Variants in CABIN1 observed in about 807,000 individuals in gnomAD.
CABIN1 encodes calcineurin binding protein 1.
A neutral mutation model predicts 227.7 loss-of-function variants in CABIN1; 133 were observed. The ratio of observed to expected loss-of-function variants is 0.58; its 90% CI spans 0.51 to 0.67. CABIN1 has a LOEUF of 0.67. Among genes scored for constraint, CABIN1 ranks in the 30% least tolerant of loss-of-function variants. The probability of loss-of-function intolerance (pLI) is 0.00; values close to 1 mark genes in which losing one functional copy is unlikely to be tolerated. For missense variants in CABIN1, 2,408 were observed against 2,852.5 expected (o/e 0.84, Z 3.55); for synonymous variants, 1,086 against 1,155.1 (o/e 0.94, Z 1.21).
At chr22:24,107,335 C>T (rs556375274) in intron 26 of CABIN1, among the ~76,000 whole-genome samples, 32 of 152,332 alleles carry the variant, frequency 2.1e-4, no homozygotes, top group African/African-American at 6.7e-4. Flanking sequence ...CCCCCCAGGG[C>T]CAGTACCAAT....
At chr22:24,169,975 G>A (rs1400530431) in intron 33 of CABIN1, among the ~76,000 whole-genome samples, 1 of 152,262 alleles carries the variant, frequency 6.6e-6, no homozygotes, top group Non-Finnish European at 1.5e-5. Flanking sequence ...GGTTATGGGG[G>A]TGGCCAGAGC....
intron 19 of CABIN1, among the ~76,000 whole-genome samples, chr22:24,077,793 A>G (rs2040542542): frequency 1.3e-5 from 2 of 152,128 alleles, no homozygotes; most frequent in Non-Finnish European, 2.9e-5. Context: ...TTAATACCTT[A>G]GGCTAGCTTG....
Position 24,064,027 on chromosome 22 carries a change from C to A in CABIN1, c.1885-8C>A, listed in dbSNP as rs2039400374. The A allele has an allele frequency of 6.2e-7, 1 of 1,613,994 alleles. No homozygotes were observed. The highest frequency in any genetic ancestry group is 8.5e-7 in the Non-Finnish European group (1 of 1,180,022). On this transcript the variant is annotated splice_region_variant and splice_polypyrimidine_tract_variant and intron_variant, in intron 14 of 36. Coordinates refer to ENST00000263119, the MANE Select transcript of CABIN1 (RefSeq NM_012295.4). Reference sequence around the variant, plus strand: ...TTTGGTTCCCTGACCTGTTTTCCGTCTAACCAGGGAGACATGGAGCAGGCC... The same window carrying A: ...TTTGGTTCCCTGACCTGTTTTCCGTATAACCAGGGAGACATGGAGCAGGCC...
intron 28 of CABIN1, among the ~76,000 whole-genome samples, chr22:24,121,625 C>T (rs1316247137): frequency 6.6e-6 from 1 of 152,240 alleles, no homozygotes; most frequent in Non-Finnish European, 1.5e-5. Flanking sequence ...CTGCTGAAGC[C>T]GTCTTTGGGC....
intron 6 of CABIN1, among the ~76,000 whole-genome samples, chr22:24,048,183 AAAG>A (rs1170572694): frequency 6.6e-6 from 1 of 152,134 alleles, no homozygotes; most frequent in Non-Finnish European, 1.5e-5. Context: ...TTTTTTAAAA[AAAG>A]GAGGAAAATT....
intron 24 of CABIN1, among the ~76,000 whole-genome samples, chr22:24,092,974 C>T (rs1160270320): frequency 1.3e-5 from 2 of 152,086 alleles, no homozygotes; most frequent in East Asian, 1.9e-4. Flanking sequence ...TTTAGCAGGG[C>T]GTTTGTTTAT....
At chr22:24,118,811 C>T (rs545700679) in intron 27 of CABIN1, among the ~76,000 whole-genome samples, 43 of 152,318 alleles carry the variant, frequency 2.8e-4, no homozygotes, top group Admixed American at 7.8e-4. Flanking sequence ...CCCCATGGCC[C>T]CTGGTGGAGC....
chr22:24,081,724 T>A (rs1257161567), intron 19 of CABIN1, among the ~76,000 whole-genome samples: 2 of 152,186 alleles, frequency 1.3e-5, no homozygotes, highest in African/African-American at 4.8e-5. Context: ...TTTTCTATTT[T>A]TATTATTTTT....
intron 15 of CABIN1, among the ~76,000 whole-genome samples, chr22:24,066,314 T>C (rs1482340678): frequency 1.3e-5 from 2 of 152,194 alleles, no homozygotes; most frequent in African/African-American, 4.8e-5. Flanking sequence ...CCTGGCTATG[T>C]GTGGCAGCCA....
At chr22:24,054,314 A>G (rs1247846746) in intron 8 of CABIN1, among the ~76,000 whole-genome samples, 1 of 152,166 alleles carries the variant, frequency 6.6e-6, no homozygotes, top group Non-Finnish European at 1.5e-5. Flanking sequence ...AACACACCAC[A>G]CCATACCACA....
At chr22:24,128,337 T>C (rs2148075792) in intron 28 of CABIN1, among the ~76,000 whole-genome samples, 1 of 152,322 alleles carries the variant, frequency 6.6e-6, no homozygotes, top group African/African-American at 2.4e-5. Context: ...CACTAACTCC[T>C]TAATATTTGG....
chr22:24,082,812 C>T (rs1011588402), intron 19 of CABIN1, among the ~76,000 whole-genome samples: 3 of 152,166 alleles, frequency 2.0e-5, no homozygotes, highest in Non-Finnish European at 2.9e-5. Flanking sequence ...TTTATTCTCT[C>T]CACTGGAATC....
intron 1 of CABIN1, among the ~76,000 whole-genome samples, chr22:24,013,868 C>T (rs1383157491): frequency 6.6e-6 from 1 of 152,042 alleles, no homozygotes; most frequent in East Asian, 1.9e-4. Flanking sequence ...AAGGTTTGTC[C>T]AGTGTTTTCT....
At chr22:24,129,533 GT>G (rs1172874169) in intron 28 of CABIN1, among the ~76,000 whole-genome samples, 34 of 152,344 alleles carry the variant, frequency 2.2e-4, no homozygotes, top group African/African-American at 7.9e-4. Flanking sequence ...TTTATGAAAG[GT>G]CAGACTGCTC....
At chr22:24,071,503 C>A (rs572639844) in intron 17 of CABIN1, among the ~76,000 whole-genome samples, 22 of 152,278 alleles carry the variant, frequency 1.4e-4, no homozygotes, top group African/African-American at 4.6e-4. Context: ...GGGCTCTCTC[C>A]TCAATTCCCG....
intron 26 of CABIN1, among the ~76,000 whole-genome samples, chr22:24,103,823 A>ATGG (rs1414424385): frequency 6.6e-6 from 1 of 152,102 alleles, no homozygotes; most frequent in African/African-American, 2.4e-5. Flanking sequence ...AGTCAAGATG[A>ATGG]TGGTGCCTTG....
chr22:24,090,756 C>T (rs1677589290), intron 23 of CABIN1, among the ~76,000 whole-genome samples: 1 of 152,094 alleles, frequency 6.6e-6, no homozygotes, highest in African/African-American at 2.4e-5. Context: ...CTCTCACTGG[C>T]CCCTGAGGTC....
chr22:24,169,240 A>G (rs1440596472), intron 33 of CABIN1, among the ~76,000 whole-genome samples: 1 of 152,144 alleles, frequency 6.6e-6, no homozygotes, highest in Non-Finnish European at 1.5e-5. Context: ...TGTCTAAAAC[A>G]TAAGCCTCCA....
intron 19 of CABIN1, among the ~76,000 whole-genome samples, chr22:24,077,269 C>T (rs951351517): frequency 3.9e-5 from 6 of 152,140 alleles, no homozygotes; most frequent in African/African-American, 1.4e-4. Context: ...GTCTCTGCTC[C>T]ACTGAAATTA....
Sources: allele counts gnomAD v4.1 joint callset (sites outside exome capture counted in the v4.1 genomes callset), GRCh38; gene constraint gnomAD v4.1.1; transcripts MANE v1.5; gene names NCBI Gene and HGNC (gene_info 2026-07-23, HGNC 2026-07-21).